Variants in CHD6 observed in about 807,000 individuals in gnomAD.
CHD6 encodes ATP-dependent chromatin remodeler CHD6.
CHD6 carries 50 observed loss-of-function variants against 276.9 expected under a neutral mutation model. The ratio of observed to expected loss-of-function variants is 0.18; its 90% CI spans 0.14 to 0.23. CHD6 has a LOEUF of 0.23. CHD6 is among the 10% of genes least tolerant of loss of function. The pLI is 1.00. For missense variants in CHD6, 2,564 were observed against 3,365.8 expected (o/e 0.76, Z 5.89); for synonymous variants, 1,173 against 1,229.3 (o/e 0.95, Z 0.96).
intron 17 of CHD6, among the ~76,000 whole-genome samples, chr20:41,467,931 C>T (rs1046667459): frequency 2.0e-5 from 3 of 152,046 alleles, no homozygotes; most frequent in African/African-American, 4.8e-5. Flanking sequence ...GTGCTTCAGA[C>T]GTGCCGCCTA....
intron 1 of CHD6, among the ~76,000 whole-genome samples, chr20:41,570,384 G>C (rs1485165457): frequency 6.6e-6 from 1 of 152,158 alleles, no homozygotes; most frequent in Non-Finnish European, 1.5e-5. Flanking sequence ...CCAAGGAACT[G>C]CCCAGATTCA....
At chr20:41,548,853 A>C (rs1175373997) in intron 2 of CHD6, among the ~76,000 whole-genome samples, 6 of 152,204 alleles carry the variant, frequency 3.9e-5, no homozygotes, top group Non-Finnish European at 8.8e-5. Context: ...GACACTTCTC[A>C]AAAGAAGACA....
chr20:41,561,192 A>G (rs1434951560), intron 1 of CHD6, among the ~76,000 whole-genome samples: 2 of 152,206 alleles, frequency 1.3e-5, no homozygotes, highest in African/African-American at 4.8e-5. Context: ...TTTTTCAAAA[A>G]CAGGAAGTCC....
At chr20:41,555,020 C>G (rs1222846654) in intron 1 of CHD6, among the ~76,000 whole-genome samples, 4 of 149,276 alleles carry the variant, frequency 2.7e-5, no homozygotes, top group African/African-American at 2.5e-5. Context: ...CTGACCCCCC[C>G]ACCTCCCTCC....
chr20:41,488,652 AT>A, intron 12 of CHD6, 48 bp from the exon 13 acceptor site: 1 of 1,547,584 alleles, frequency 6.5e-7, no homozygotes, highest in Non-Finnish European at 8.8e-7. Flanking sequence ...TGGCTATAGA[AT>A]TCTGCTAATA....
At chr20:41,603,409 A>C (rs374687426) in intron 1 of CHD6, among the ~76,000 whole-genome samples, 2 of 152,224 alleles carry the variant, frequency 1.3e-5, no homozygotes. Context: ...ACTAGGCACA[A>C]TATAGTGTTT....
At chr20:41,553,387 T>G (rs549307841) in intron 1 of CHD6, among the ~76,000 whole-genome samples, 1 of 152,250 alleles carries the variant, frequency 6.6e-6, no homozygotes, top group African/African-American at 2.4e-5. Context: ...TCAGGCCCTG[T>G]CCTAAGTAAC....
chr20:41,445,893 CT>C (rs2145629362), intron 24 of CHD6, 125 bp from the exon 25 acceptor site: 2 of 606,620 alleles, frequency 3.3e-6, no homozygotes, highest in East Asian at 5.5e-5. Context: ...GTTAGGAAGG[CT>C]GTGGGTCATT....
intron 36 of CHD6, among the ~76,000 whole-genome samples, chr20:41,408,651 T>A (rs1273114484): frequency 1.3e-5 from 2 of 152,142 alleles, no homozygotes; most frequent in Non-Finnish European, 2.9e-5. Flanking sequence ...TGAGCCCTCT[T>A]CCTGCAGCCT....
intron 36 of CHD6, among the ~76,000 whole-genome samples, chr20:41,409,487 T>C (rs2145383294): frequency 6.6e-6 from 1 of 152,350 alleles, no homozygotes; most frequent in East Asian, 1.9e-4. Flanking sequence ...GGTGGCATTA[T>C]TCCAACTCTA....
intron 1 of CHD6, among the ~76,000 whole-genome samples, chr20:41,567,966 C>A (rs1452042664): frequency 1.3e-5 from 2 of 152,050 alleles, no homozygotes; most frequent in Non-Finnish European, 2.9e-5. Flanking sequence ...AAATCATACT[C>A]TACATGGCTA....
At chr20:41,426,280 C>T (rs2047361921) in intron 27 of CHD6, 127 bp from the exon 28 acceptor site, 4 of 752,256 alleles carry the variant, frequency 5.3e-6, no homozygotes, top group Non-Finnish European at 7.3e-6. Context: ...ACAACTCAGA[C>T]CAAGATAGGA....
intron 3 of CHD6, among the ~76,000 whole-genome samples, chr20:41,520,895 A>G (rs1386020736): frequency 6.6e-6 from 1 of 152,208 alleles, no homozygotes; most frequent in Non-Finnish European, 1.5e-5. Context: ...GGCAGTGTTA[A>G]AAGAGTATAA....
Position 41,405,374 on chromosome 20 carries a change from A to C in CHD6, c.7367T>G (p.Ile2456Ser). 6.2e-7 allele frequency: 1 copy of C among 1,614,238 alleles called. No individual in the cohort carries two copies. Among genetic ancestry groups the C allele is most frequent in the Non-Finnish European group, 8.5e-7 (1 of 1,180,034 alleles). ...CATTCCAGAGGGAGAGTCTGCCACA[A>C]TGGAAGGAGCCTTCAGGAGTTCGCT... ...PRSELLKAPS[I>S]VADSPSGMGP... The change falls in exon 37 of 37, where the codon ATT (isoleucine) becomes AGT (serine). Residue 2456 changes from isoleucine (I) to serine (S), a missense_variant. By Grantham distance (142) the Ile-to-Ser change is moderately radical (BLOSUM62 -2). Coordinates refer to ENST00000373233, the MANE Select transcript of CHD6 (RefSeq NM_032221.5).
chr20:41,463,453 C>T (rs1289909913), intron 17 of CHD6, among the ~76,000 whole-genome samples: 2 of 152,158 alleles, frequency 1.3e-5, no homozygotes, highest in Non-Finnish European at 2.9e-5. Context: ...AGAAATCGGA[C>T]AGATATCACT....
intron 14 of CHD6, among the ~76,000 whole-genome samples, 153 bp from the exon 15 acceptor site, chr20:41,484,760 G>C (rs894188482): frequency 4.6e-5 from 7 of 152,070 alleles, no homozygotes; most frequent in African/African-American, 1.7e-4. Context: ...TGAAAATGGA[G>C]AGTTTATAAT....
chr20:41,483,264 G>C (rs2043336151), intron 16 of CHD6, 45 bp downstream of exon 16: 14 of 1,484,196 alleles, frequency 9.4e-6, no homozygotes, highest in Non-Finnish European at 1.3e-5. Context: ...TCAAAGGAAA[G>C]GAACTGTCCC....
chr20:41,462,894 A>G (rs1282976754), intron 17 of CHD6, among the ~76,000 whole-genome samples: 1 of 152,190 alleles, frequency 6.6e-6, no homozygotes, highest in African/African-American at 2.4e-5. Context: ...AACACACCCA[A>G]CTCCTGAATC....
intron 23 of CHD6, 90 bp downstream of exon 23, chr20:41,450,856 G>T: frequency 1.7e-6 from 2 of 1,194,000 alleles, no homozygotes; most frequent in South Asian, 1.4e-5. Context: ...AGTAGCACAA[G>T]AGCATGAAGT....
Sources: gnomAD v4.1 joint callset for allele counts (sites outside exome capture counted in the v4.1 genomes callset) on GRCh38, gnomAD v4.1.1 for gene constraint, MANE v1.5 for transcripts, NCBI Gene and HGNC (gene_info 2026-07-23, HGNC 2026-07-21) for gene names.